Variants in MED12 observed in about 807,000 individuals in gnomAD.
MED12 encodes mediator complex subunit 12, also known as mediator of RNA polymerase II transcription subunit 12.
MED12 carries 10 observed loss-of-function variants against 177.7 expected under a neutral mutation model. The ratio of observed to expected loss-of-function variants is 0.06; its 90% CI spans 0.03 to 0.10. MED12 has a LOEUF of 0.10. MED12 is among the 10% of genes least tolerant of loss of function. The probability of loss-of-function intolerance (pLI) is 1.00; values close to 1 mark genes in which losing one functional copy is unlikely to be tolerated. For missense variants in MED12, 867 were observed against 1,780.8 expected (o/e 0.49, Z 9.23); for synonymous variants, 641 against 678.4 (o/e 0.94, Z 0.86).
At chrX:71,119,943 C>T (rs1569480837) in intron 3 of MED12, 66 bp downstream of exon 3, 1 of 1,205,882 alleles carries the variant, frequency 8.3e-7, no homozygotes. Flanking sequence ...CCCTCCTATT[C>T]CCATATTAAG....
At chrX:71,130,369 C>G (rs1163721595) in intron 28 of MED12, among the ~76,000 whole-genome samples, 155 bp downstream of exon 28, 1 of 112,584 alleles carries the variant, frequency 8.9e-6, no homozygotes, top group African/African-American at 3.2e-5. Flanking sequence ...ACAGCTCCAG[C>G]ATGGGCTGAG....
chrX:71,140,986 AGTG>A, intron 42 of MED12, 129 bp downstream of exon 42: 1 of 1,147,443 alleles, frequency 8.7e-7, no homozygotes, highest in Non-Finnish European at 1.2e-6. Context: ...GCTGGCCTCT[AGTG>A]GTGCTGGAGA....
At position 71,126,216 on chromosome X, in the gene MED12, T is replaced by A; in HGVS notation, c.2541+62T>A. 2.6e-6 allele frequency: 3 copies of A among 1,157,466 alleles called. No homozygotes were observed. In the South Asian group the frequency reaches 5.4e-5, roughly 21 times the overall value. ...GCCTCCTGTTCTGTTTTCCTTTTCT[T>A]CCCTATCTTCTCCCTGCTAGGCAGG... is the stretch of plus-strand genomic sequence containing the variant. On this transcript the variant is annotated intron_variant, in intron 18 of 44. Transcript: ENST00000374080.
chrX:71,125,635 CT>C (rs1470554468), intron 16 of MED12, 27 bp from the exon 17 acceptor site: 7 of 1,174,047 alleles, frequency 6.0e-6, no homozygotes. Flanking sequence ...CCTTTTGAAA[CT>C]TCCCCCCTCA....
At position 71,121,023 on chromosome X, in the gene MED12, T is replaced by C; in HGVS notation, c.606T>C (p.Ala202=). 1.7e-6 allele frequency: 2 copies of C among 1,211,651 alleles called. No individual in the cohort carries two copies. Among genetic ancestry groups the C allele is most frequent in the Non-Finnish European group, 1.1e-6 (1 of 895,382 alleles). ...TATGGGAGCAGTTACAGAAGATGGCTGAATACTACCGGCCAGGGCCTGCAG... is the reference window on the plus strand; with the variant it reads ...TATGGGAGCAGTTACAGAAGATGGCCGAATACTACCGGCCAGGGCCTGCAG... ...KYLWEQLQKM[A]EYYRPGPAGS... The change falls in exon 5 of 45, where the codon GCT becomes GCC. Residue 202 remains alanine, a synonymous_variant. Coordinates refer to ENST00000374080, the MANE Select transcript of MED12 (RefSeq NM_005120.3).
At chrX:71,119,921 G>T (rs1354344207) in intron 3 of MED12, 44 bp downstream of exon 3, 2 of 1,206,300 alleles carry the variant, frequency 1.7e-6, no homozygotes, top group Non-Finnish European at 2.2e-6. Context: ...AGGGAGCATG[G>T]GGTACCAAGT....
In MED12 at chrX:71,127,474, G is replaced by A. The variant is rs765055682; in HGVS notation, c.2981+7G>A. ...AATTTGGGGAGCTCTTCAGGTAAGAGAGGTGGAAGGTAAGGGGTAGCGAGT... is the reference window on the plus strand; with the variant it reads ...AATTTGGGGAGCTCTTCAGGTAAGAAAGGTGGAAGGTAAGGGGTAGCGAGT... On this transcript the variant is annotated splice_region_variant and intron_variant, in intron 21 of 44. Transcript: ENST00000374080. 1.7e-6 allele frequency: 2 copies of A among 1,202,158 alleles called. No individual in the cohort carries two copies. The highest frequency in any genetic ancestry group is 3.5e-5 in the South Asian group (2 of 56,883).
In MED12 at chrX:71,137,343, C is replaced by T; in HGVS notation, c.5708C>T (p.Pro1903Leu). The change falls in exon 39 of 45, where the codon CCT (proline) becomes CTT (leucine). Residue 1903 changes from proline to leucine, a missense_variant. By Grantham distance (98) the Pro-to-Leu change is moderately conservative. Transcript: ENST00000374080. The part of the protein sequence containing the change: ...YKTSVYRQQQ[P>L]AVPQGQRLRQ... ...ACCTCTGTGTACCGGCAGCAGCAAC[C>T]TGCGGTGCCCCAAGGACAGCGCCTT... 1 of 1,211,725 alleles carries T rather than the reference C, an allele frequency of 8.3e-7. No homozygotes were observed. The highest frequency in any genetic ancestry group is 1.1e-6 in the Non-Finnish European group (1 of 895,492).
rs755634255 is a variant in MED12, at chrX:71,121,097, A to C, written c.680A>C (p.Glu227Ala). ...ATAGGGCCCTTGCCCCATGATGTAG[A>C]GGTGGCAATCCGGCAGTGGGATTAC... ...STIGPLPHDV[E>A]VAIRQWDYTE... The change falls in exon 5 of 45, where the codon GAG (glutamate) becomes GCG (alanine). Residue 227 changes from glutamate (E) to alanine (A), a missense_variant. Glu to Ala is a moderately radical substitution (Grantham distance 107, BLOSUM62 -1). This residue lies in a region of MED12 where 309 missense variants were observed against 556.3 expected (regional missense o/e 0.56). Coordinates refer to ENST00000374080, the MANE Select transcript of MED12 (RefSeq NM_005120.3). The C allele has an allele frequency of 1.7e-6, 2 of 1,210,645 alleles. No homozygotes were observed. The highest frequency in any genetic ancestry group is 4.4e-5 in the Admixed American group (2 of 45,935).
rs1259467167 is a variant in MED12 at position 71,141,335 on chromosome X, G to T, written c.6373G>T (p.Ala2125Ser). 8.7e-7 allele frequency: 1 copy of T among 1,149,427 alleles called. No individual in the cohort carries two copies. Among genetic ancestry groups the T allele is most frequent in the Admixed American group, 2.7e-5 (1 of 37,580 alleles). 94.7% of individuals were successfully genotyped at this position (1,149,427 alleles called of 1,213,427 possible). The change falls in exon 43 of 45, where the codon GCT (alanine) becomes TCT (serine). Residue 2125 changes from alanine to serine, a missense_variant. This residue lies in a region of MED12 where 236 missense variants were observed against 345.2 expected (regional missense o/e 0.68). Coordinates refer to ENST00000374080, the MANE Select transcript of MED12 (RefSeq NM_005120.3). ...QHQQQQQQQA[A>S]PPQPQPQSQP... ...CCAGCAGCAACAGCAGCAACAGGCG[G>T]CTCCTCCCCAACCCCAGCCCCAGTC...
Position 71,128,446 on chromosome X carries a change from A to C in MED12, c.3354+6A>C, listed in dbSNP as rs770027742. 5 of 1,208,334 alleles carry C rather than the reference A, an allele frequency of 4.1e-6. No individual in the cohort carries two copies. In the African/African-American group the frequency reaches 8.8e-5, roughly 21 times the overall value. On this transcript the variant is annotated splice_donor_region_variant and intron_variant, in intron 23 of 44. Transcript: ENST00000374080. Reference sequence around the variant, plus strand: ...ATCTCCTCTGCAATGTTGATGTGAGACTTGGGGTGGGGTTTTGCTAGTGGG... The same window carrying C: ...ATCTCCTCTGCAATGTTGATGTGAGCCTTGGGGTGGGGTTTTGCTAGTGGG...
In MED12 at chrX:71,125,083, C is replaced by A. The variant is rs1353836574; in HGVS notation, c.2163C>A (p.Thr721=). 1.7e-6 allele frequency: 2 copies of A among 1,208,443 alleles called. No homozygotes were observed. The highest frequency in any genetic ancestry group is 2.2e-6 in the Non-Finnish European group (2 of 894,821). ...KPPPKEKIEG[T]LGVLYDQPRH... Reference sequence around the variant, plus strand: ...CACCCAAGGAGAAGATTGAAGGGACCCTTGGGGTTCTTTACGACCAGCCAC... The same window carrying A: ...CACCCAAGGAGAAGATTGAAGGGACACTTGGGGTTCTTTACGACCAGCCAC... Residue 721 remains threonine (T), a synonymous_variant, in exon 15 of 45, where the codon ACC becomes ACA. Transcript: ENST00000374080.
At position 71,137,374 on chromosome X, in the gene MED12, A is replaced by G; in HGVS notation, c.5739A>G (p.Gln1913=). The change falls in exon 39 of 45, where the codon CAA becomes CAG. Residue 1913 remains glutamine (Q), a synonymous_variant. Transcript: ENST00000374080. ...PAVPQGQRLR[Q]QLQQSQGMLG... ...TGCCCCAAGGACAGCGCCTTCGCCA[A>G]CAGCTCCAGGCAAAGATAGTGAGAG... 8.3e-7 allele frequency: 1 copy of G among 1,211,515 alleles called. No homozygotes were observed. Among genetic ancestry groups the G allele is most frequent in the Non-Finnish European group, 1.1e-6 (1 of 895,335 alleles).
At chrX:71,130,553 C>T (rs931362909) in intron 28 of MED12, among the ~76,000 whole-genome samples, 2 of 112,992 alleles carry the variant, frequency 1.8e-5, no homozygotes, top group Non-Finnish European at 3.7e-5. Flanking sequence ...ATAGCTACTA[C>T]TTGCTGAGCA....
At position 71,125,657 on chromosome X, in the gene MED12, C is replaced by T. The variant is rs778096355; in HGVS notation, c.2372-6C>T. On this transcript the variant is annotated splice_polypyrimidine_tract_variant and splice_region_variant and intron_variant, in intron 16 of 44. Coordinates refer to ENST00000374080, the MANE Select transcript of MED12 (RefSeq NM_005120.3). Reference sequence around the variant, plus strand: ...AAACTTCCCCCCTCATTCCCCCCCTCTACAGACCAGCTTGCTCCTATTGTG... The same window carrying T: ...AAACTTCCCCCCTCATTCCCCCCCTTTACAGACCAGCTTGCTCCTATTGTG... The T allele has an allele frequency of 4.7e-6, 4 of 845,155 alleles. No individual in the cohort carries two copies. In the South Asian group the frequency reaches 7.9e-5, roughly 17 times the overall value. The allele number at this position is 845,155 out of a possible 1,213,427, so 69.7% of individuals were successfully genotyped here.
rs1384875639 is a variant in MED12, at chrX:71,120,295, C to T, written c.553+125C>T. ...TGCTTGTTTCTTGCATTTGTTTGAT[C>T]AGTAAACACTGAGAAATTTGAGTGT... On this transcript the variant is annotated intron_variant, in intron 4 of 44. Transcript: ENST00000374080. 4 of 770,224 alleles carry T rather than the reference C, an allele frequency of 5.2e-6. No individual in the cohort carries two copies. In the East Asian group the frequency reaches 1.3e-4, roughly 25 times the overall value. 63.5% of individuals were successfully genotyped at this position (770,224 alleles called of 1,213,427 possible). A position where few individuals can be genotyped will look rare whatever the true frequency, so the allele number is the denominator to read the frequency against.
rs2147845626 is a variant in MED12 at position 71,142,200 on chromosome X, C to A, written c.6516C>A (p.Asn2172Lys). ...ATACCCAGCCACAGCCCAGTACCAA[C>A]ATATTTGGACGCTACTGAGCCACCT... Reference protein sequence around the residue: ...LSNTQPQPSTNIFGRY With the variant: ...LSNTQPQPSTKIFGRY The change falls in exon 45 of 45, where the codon AAC becomes AAA. Residue 2172 changes from asparagine (N) to lysine (K), a missense_variant. This residue lies in a region of MED12 where 236 missense variants were observed against 345.2 expected (regional missense o/e 0.68). Transcript: ENST00000374080. 1 of 1,211,203 alleles carries A rather than the reference C, an allele frequency of 8.3e-7. No homozygotes were observed. The highest frequency in any genetic ancestry group is 1.7e-5 in the African/African-American group (1 of 57,764).
In MED12 at chrX:71,120,512, G is replaced by A. The variant is rs1258710406; in HGVS notation, c.553+342G>A. 2.7e-5 allele frequency among the ~76,000 whole-genome samples: 3 copies of A among 110,484 alleles called. No individual in the cohort carries two copies. The South Asian group carries it at 1.1e-3, about 42-fold the overall frequency. ...AGATTACTTTCTTATGGGGGTACCC[G>A]GAAAGGCTTTAGGAAGGTGGGATTT... is the stretch of plus-strand genomic sequence containing the variant. On this transcript the variant is annotated intron_variant, in intron 4 of 44. Coordinates refer to ENST00000374080, the MANE Select transcript of MED12 (RefSeq NM_005120.3).
intron 42 of MED12, 135 bp downstream of exon 42, chrX:71,140,992 G>T: frequency 8.8e-7 from 1 of 1,136,435 alleles, no homozygotes; most frequent in Non-Finnish European, 1.2e-6. Flanking sequence ...CTCTAGTGGT[G>T]CTGGAGAAGT....
Sources: gnomAD v4.1 joint callset for allele counts (sites outside exome capture counted in the v4.1 genomes callset) on GRCh38, gnomAD v4.1.1 for gene constraint, gnomAD v4.1.1 regional missense constraint, MANE v1.5 for transcripts, NCBI Gene and HGNC (gene_info 2026-07-23, HGNC 2026-07-21) for gene names.